TENM3: variants seen among roughly 807,000 people sequenced by gnomAD.
The protein encoded by TENM3 is teneurin transmembrane protein 3, also known as teneurin-3.
TENM3 carries 63 observed loss-of-function variants against 255.1 expected under a neutral mutation model. That is an observed-to-expected ratio of 0.25 (90% CI 0.20 to 0.30). The LOEUF (loss-of-function observed/expected upper bound fraction) is 0.30, where lower values mean the gene tolerates loss of function less well. Ranked by LOEUF, TENM3 falls within the 10% of genes least tolerant of loss-of-function variation. TENM3 has a pLI of 1.00. For missense variants in TENM3, 2,929 were observed against 3,461.1 expected (o/e 0.85, Z 3.86); for synonymous variants, 1,306 against 1,322.3 (o/e 0.99, Z 0.27).
the TENM3 span, among the ~76,000 whole-genome samples, chr4:181,988,122 G>A: frequency 1.6e-3 from 250 of 152,196 alleles, 1 homozygote; most frequent in African/African-American, 5.7e-3. Context: ...TGCCCCTGAT[G>A]TCTCTGCAGC....
chr4:181,557,444 A>G, the TENM3 span, among the ~76,000 whole-genome samples: 1 of 152,186 alleles, frequency 6.6e-6, no homozygotes, highest in Non-Finnish European at 1.5e-5. Flanking sequence ...CATGTTGAAA[A>G]TATTTTATCA....
the TENM3 span, among the ~76,000 whole-genome samples, chr4:181,638,632 C>T: frequency 6.6e-6 from 1 of 152,118 alleles, no homozygotes; most frequent in African/African-American, 2.4e-5. Context: ...GCTCTTTTTG[C>T]TACTGTACTC....
At chr4:182,299,929 CT>C (rs910303492) in intron 1 of TENM3, among the ~76,000 whole-genome samples, 1 of 141,916 alleles carries the variant, frequency 7.0e-6, no homozygotes, top group Non-Finnish European at 1.5e-5. Flanking sequence ...TTTTTTTTTC[CT>C]TTTGAGATGG....
the TENM3 span, among the ~76,000 whole-genome samples, chr4:181,605,584 G>GAAAA: frequency 3.2e-4 from 22 of 69,194 alleles, 2 homozygotes; most frequent in African/African-American, 1.2e-3. Flanking sequence ...GAGAAAGAAA[G>GAAAA]GAAAGAAAGA....
At chr4:182,190,052 A>G (rs975669763) in intron 1 of TENM3, among the ~76,000 whole-genome samples, 1 of 152,194 alleles carries the variant, frequency 6.6e-6, no homozygotes, top group Non-Finnish European at 1.5e-5. Flanking sequence ...AAGATGAACA[A>G]GTATTATATT....
At chr4:182,163,707 C>T (rs1320523630) in intron 1 of TENM3, among the ~76,000 whole-genome samples, 2 of 152,142 alleles carry the variant, frequency 1.3e-5, no homozygotes, top group Non-Finnish European at 2.9e-5. Flanking sequence ...TGAGGATAAA[C>T]GTGTAGCCCT....
chr4:181,854,114 T>A, the TENM3 span, among the ~76,000 whole-genome samples: 1 of 152,184 alleles, frequency 6.6e-6, no homozygotes, highest in Non-Finnish European at 1.5e-5. Flanking sequence ...GACACAAATA[T>A]CATTACCTTG....
intron 4 of TENM3, among the ~76,000 whole-genome samples, chr4:182,614,878 G>T (rs1749327963): frequency 2.0e-5 from 3 of 151,616 alleles, no homozygotes; most frequent in African/African-American, 7.3e-5. Context: ...TCTTCACGTT[G>T]TTTCATAGAT....
chr4:182,681,441 A>G (rs1011280388), intron 10 of TENM3, among the ~76,000 whole-genome samples: 1 of 152,198 alleles, frequency 6.6e-6, no homozygotes, highest in African/African-American at 2.4e-5. Context: ...TATTTCTCAA[A>G]CAGTGTGAGG....
the TENM3 span, among the ~76,000 whole-genome samples, chr4:181,927,699 G>T: frequency 2.0e-5 from 3 of 152,172 alleles, no homozygotes; most frequent in African/African-American, 7.2e-5. Flanking sequence ...CTCCTCAAGT[G>T]GGTCCCTGAC....
chr4:181,681,130 C>T, the TENM3 span, among the ~76,000 whole-genome samples: 6 of 151,798 alleles, frequency 4.0e-5, no homozygotes, highest in African/African-American at 1.5e-4. Flanking sequence ...TGGAAACAGT[C>T]CATGTGCAAA....
the TENM3 span, among the ~76,000 whole-genome samples, chr4:181,878,449 C>T: frequency 8.4e-3 from 1,278 of 151,996 alleles, 12 homozygotes; most frequent in African/African-American, 0.018. Context: ...TTAACCTATT[C>T]GACTCTTTAG....
intron 3 of TENM3, among the ~76,000 whole-genome samples, chr4:182,489,856 T>TTCCCTTCC (rs374092715): frequency 6.6e-6 from 1 of 150,838 alleles, no homozygotes; most frequent in Non-Finnish European, 1.5e-5. Context: ...CTTCCTTTTC[T>TTCCCTTCC]TCCCTTCCTC....
chr4:181,758,691 T>C, the TENM3 span, among the ~76,000 whole-genome samples: 3 of 152,212 alleles, frequency 2.0e-5, no homozygotes, highest in Admixed American at 2.0e-4. Context: ...AGCTTGTACA[T>C]ATTTGACAGC....
rs1422950712 is a variant in TENM3, at chr4:182,343,845, G to C, written c.233-2806G>C. 2.0e-5 allele frequency among the ~76,000 whole-genome samples: 3 copies of C among 152,110 alleles called. No homozygotes were observed. In the South Asian group the frequency reaches 6.2e-4, roughly 32 times the overall value. ...TCCAGGGGTGTTTGCATTAAAATAAGGGATCCTAAAAATAAAAATTTCTTA... is the reference window on the plus strand; with the variant it reads ...TCCAGGGGTGTTTGCATTAAAATAACGGATCCTAAAAATAAAAATTTCTTA... On this transcript the variant is annotated intron_variant, in intron 2 of 27. Transcript: ENST00000511685.
chr4:182,415,295 T>G (rs1411379733), intron 3 of TENM3, among the ~76,000 whole-genome samples: 1 of 152,224 alleles, frequency 6.6e-6, no homozygotes, highest in Admixed American at 6.5e-5. Flanking sequence ...AATGTAGCAT[T>G]TCAAATGTCG....
intron 6 of TENM3, among the ~76,000 whole-genome samples, chr4:182,664,398 G>C (rs1238504514): frequency 6.6e-6 from 1 of 152,130 alleles, no homozygotes; most frequent in African/African-American, 2.4e-5. Context: ...ACTGCTCCGT[G>C]ACCAGCATCC....
At chr4:182,543,801 G>A (rs61487250) in intron 3 of TENM3, among the ~76,000 whole-genome samples, 39,316 of 151,606 alleles carry the variant, frequency 0.26, 6,227 homozygotes, top group South Asian at 0.37. Flanking sequence ...TATTTTAAGT[G>A]CTTTACATAC....
the TENM3 span, among the ~76,000 whole-genome samples, chr4:182,116,690 C>A: frequency 6.6e-6 from 1 of 152,142 alleles, no homozygotes; most frequent in Non-Finnish European, 1.5e-5. Context: ...TTCACAGCAG[C>A]GTGAGAACAG....
Sources: allele counts gnomAD v4.1 joint callset (sites outside exome capture counted in the v4.1 genomes callset), GRCh38; gene constraint gnomAD v4.1.1; transcripts MANE v1.5; gene names NCBI Gene and HGNC (gene_info 2026-07-23, HGNC 2026-07-21).